Variants in GSR observed in about 807,000 individuals in gnomAD.
GSR encodes the protein glutathione-disulfide reductase.
Under a neutral mutation model 56.5 loss-of-function variants are expected in GSR, and 48 were observed. The observed-to-expected ratio is 0.85, with a 90% CI of 0.67 to 1.08. The LOEUF is 1.08. Among genes scored for constraint, GSR ranks in the 50% least tolerant of loss-of-function variants. The pLI is 0.00. For missense variants in GSR, 694 were observed against 703.3 expected, an observed-to-expected ratio of 0.99 and a Z score of 0.15; for synonymous variants, 264 against 270.8, an observed-to-expected ratio of 0.97 and a Z score of 0.25.
Position 30,727,744 on chromosome 8 carries a change from G to A in GSR, c.92C>T (p.Pro31Leu), listed in dbSNP as rs1804794865. 4 of 1,399,698 alleles carry A rather than the reference G, an allele frequency of 2.9e-6. No homozygotes were observed. The highest frequency in any genetic ancestry group is 3.7e-6 in the Non-Finnish European group (4 of 1,079,132). The allele number at this position is 1,399,698 out of a possible 1,614,324, so 86.7% of individuals were successfully genotyped here. ...GGCGCGCGTGAGGGCCGCGGGCTCG[G>A]GCAGAAGCAGCAGGAAGCCTCGGAA... ...RAFRGFLLLL[P>L]EPAALTRALS... The change falls in exon 1 of 13, where the codon CCC becomes CTC. Residue 31 changes from proline (P) to leucine (L), a missense_variant. Coordinates refer to ENST00000221130, the MANE Select transcript of GSR (RefSeq NM_000637.5).
intron 1 of GSR, among the ~76,000 whole-genome samples, chr8:30,723,284 AC>A (rs2128749543): frequency 6.6e-6 from 1 of 152,310 alleles, no homozygotes; most frequent in Admixed American, 6.5e-5. Context: ...TCTCCAGTCT[AC>A]ACGAGATCAT....
chr8:30,703,126 T>C lies in GSR; in HGVS notation c.607A>G (p.Met203Val), dbSNP rs758849140. 1.2e-6 allele frequency: 2 copies of C among 1,614,064 alleles called. No homozygotes were observed. Residue 203 changes from methionine (M) to valine (V), a missense_variant, in exon 5 of 13, where the codon ATG becomes GTG. By Grantham distance (21) the Met-to-Val change is conservative (BLOSUM62 1). Transcript: ENST00000221130. The part of the protein sequence containing the change: ...APHILIATGG[M>V]PSTPHESQIP... ...TGGCTCTCATGAGGGGTGGAGGGCA[T>C]ACCACCTGTGGCGATCAGGATGTGT...
intron 5 of GSR, among the ~76,000 whole-genome samples, chr8:30,701,468 GAACA>G (rs1002816081): frequency 8.6e-5 from 12 of 140,186 alleles, no homozygotes; most frequent in African/African-American, 1.1e-4. Context: ...CTCTGTCTCT[GAACA>G]AACAAACAAA....
rs185624706 is a variant in GSR at position 30,723,385 on chromosome 8, G to A, written c.306+4145C>T. ...TATCTACCTGCAGAACCAGCTAGTC[G>A]GGAGGTTGAGGTGGGAGGATCGCTT... On this transcript the variant is annotated intron_variant, in intron 1 of 12. Coordinates refer to ENST00000221130, the MANE Select transcript of GSR (RefSeq NM_000637.5). Among the ~76,000 whole-genome samples the A allele has an allele frequency of 1.4e-3, 208 of 152,246 alleles. 4 individuals are homozygous for A. In the South Asian group the frequency reaches 0.014, roughly 10 times the overall value.
intron 7 of GSR, among the ~76,000 whole-genome samples, chr8:30,695,303 T>C (rs56123346): frequency 6.6e-6 from 1 of 152,132 alleles, no homozygotes; most frequent in African/African-American, 2.4e-5. Context: ...TGGTGCAATC[T>C]TGGCTCTCTG....
chr8:30,696,316 A>G (rs1483420567), intron 7 of GSR, 64 bp downstream of exon 7: 1 of 1,137,518 alleles, frequency 8.8e-7, no homozygotes, highest in East Asian at 2.3e-5. Context: ...CGACAACATA[A>G]GAAAAAATTC....
chr8:30,701,552 G>A (rs549523887), intron 5 of GSR, among the ~76,000 whole-genome samples: 15 of 151,972 alleles, frequency 9.9e-5, no homozygotes, highest in Non-Finnish European at 2.1e-4. Flanking sequence ...CACTTTGGGA[G>A]GCCAAGGTGG....
intron 7 of GSR, 30 bp from the exon 8 acceptor site, chr8:30,693,085 G>A (rs377471134): frequency 7.3e-6 from 10 of 1,375,192 alleles, no homozygotes; most frequent in African/African-American, 1.4e-5. Context: ...TGGGTAATGC[G>A]AGAGGAAGAA....
chr8:30,701,506 T>C (rs894723078), intron 5 of GSR, among the ~76,000 whole-genome samples: 8 of 150,894 alleles, frequency 5.3e-5, no homozygotes, highest in Non-Finnish European at 1.2e-4. Flanking sequence ...ATGTTGCATT[T>C]TGGCCGGGTG....
chr8:30,697,511 CCA>C (rs1803589897), intron 6 of GSR, among the ~76,000 whole-genome samples: 1 of 151,978 alleles, frequency 6.6e-6, no homozygotes, highest in Admixed American at 6.6e-5. Flanking sequence ...GTCTGTGGTC[CCA>C]GTTACTTGAG....
intron 1 of GSR, among the ~76,000 whole-genome samples, chr8:30,719,628 C>T (rs550832722): frequency 9.9e-5 from 15 of 152,216 alleles, no homozygotes; most frequent in South Asian, 4.1e-4. Context: ...CTTTCCAAAC[C>T]GATGATCCAT....
chr8:30,678,423 G>A lies in GSR; in HGVS notation c.*1097C>T, dbSNP rs970985878. 6.7e-6 allele frequency: 1 copy of A among 148,732 alleles called. No individual in the cohort carries two copies. The highest frequency in any genetic ancestry group is 1.5e-5 in the Non-Finnish European group (1 of 67,594). The allele number at this position is 148,732 out of a possible 1,614,324, so 9.2% of individuals were successfully genotyped here. On this transcript the variant is annotated 3_prime_UTR_variant, in exon 13 of 13. Coordinates refer to ENST00000221130, the MANE Select transcript of GSR (RefSeq NM_000637.5). ...TGTCCAAGATTGAGTGCAGCAGCAT[G>A]ATCAGGACTCACTGCAGCCTCACCT...
intron 6 of GSR, among the ~76,000 whole-genome samples, chr8:30,699,579 G>A (rs1803657873): frequency 6.6e-6 from 1 of 151,930 alleles, no homozygotes; most frequent in South Asian, 2.1e-4. Context: ...GAGTAGCTGA[G>A]ACTACAGGCC....
intron 11 of GSR, 95 bp from the exon 12 acceptor site, chr8:30,681,132 C>G: frequency 9.9e-7 from 1 of 1,011,718 alleles, no homozygotes; most frequent in African/African-American, 1.6e-5. Context: ...TAACCTCAAT[C>G]AAACCACGAG....
Position 30,712,640 on chromosome 8 carries a change from A to G in GSR, c.307-552T>C, listed in dbSNP as rs144567920. Among the ~76,000 whole-genome samples the G allele has an allele frequency of 4.9e-3, 745 of 152,314 alleles. 5 individuals carry two copies. Among genetic ancestry groups the G allele is most frequent in the African/African-American group, 0.017 (703 of 41,576 alleles). On this transcript the variant is annotated intron_variant, in intron 1 of 12. Transcript: ENST00000221130. ...AGTAAGCCATGATCATGATCATGCC[A>G]CTGCACTCCAGCCTGGGTGACACTG... is the stretch of plus-strand genomic sequence containing the variant.
intron 1 of GSR, among the ~76,000 whole-genome samples, chr8:30,725,105 A>G (rs1563548426): frequency 6.6e-6 from 1 of 152,116 alleles, no homozygotes; most frequent in East Asian, 1.9e-4. Context: ...AAATGTTTAT[A>G]TCTATCGTTT....
rs1400045296 is a variant in GSR at position 30,722,492 on chromosome 8, A to G, written c.306+5038T>C. 6.1e-5 allele frequency among the ~76,000 whole-genome samples: 9 copies of G among 148,206 alleles called. No individual in the cohort carries two copies. In the Admixed American group the frequency reaches 6.1e-4, roughly 10 times the overall value. The stretch of plus-strand genomic sequence containing the variant: ...TGTAATCCCAGCACTTTGAGAGGCT[A>G]AGGTGGGAGGACTGCTTGAGCTCAG... On this transcript the variant is annotated intron_variant, in intron 1 of 12. Transcript: ENST00000221130.
chr8:30,683,630 T>C (rs552080957), intron 10 of GSR, among the ~76,000 whole-genome samples: 1 of 151,718 alleles, frequency 6.6e-6, no homozygotes, highest in Admixed American at 6.6e-5. Flanking sequence ...CTACAAAAAA[T>C]GCACCTGTGA....
chr8:30,712,458 A>G (rs770822767), intron 1 of GSR, among the ~76,000 whole-genome samples: 9 of 152,156 alleles, frequency 5.9e-5, no homozygotes, highest in Admixed American at 1.3e-4. Flanking sequence ...AGGCAGTTGG[A>G]TTGCTTAAGC....
Sources: gnomAD v4.1 joint callset for allele counts (sites outside exome capture counted in the v4.1 genomes callset) on GRCh38, gnomAD v4.1.1 for gene constraint, MANE v1.5 for transcripts, NCBI Gene and HGNC (gene_info 2026-07-23, HGNC 2026-07-21) for gene names.